The following ZNF486 variants were observed in gnomAD, a reference collection of about 807,000 sequenced individuals.
ZNF486 encodes KRAB box only protein 2.
In ZNF486, 12 loss-of-function variants were observed where a neutral mutation model predicts 12.8. The ratio of observed to expected loss-of-function variants is 0.94; its 90% CI spans 0.60 to 1.52. The LOEUF (loss-of-function observed/expected upper bound fraction) is 1.52. Among genes scored for constraint, ZNF486 ranks in the 40% most tolerant of loss-of-function variants. ZNF486 has a pLI of 0.00. For missense variants in ZNF486, 738 were observed against 545.0 expected (o/e 1.35, Z -3.53); for synonymous variants, 231 against 184.9 (o/e 1.25, Z -2.02).
At chr19:20,188,314 T>A (rs1555716778) in intron 3 of ZNF486, 1 of 395,182 alleles carries the variant, frequency 2.5e-6, no homozygotes, top group Non-Finnish European at 4.5e-6. Context: ...TAATTCTGGA[T>A]TTTTTTTCAG....
intron 3 of ZNF486, among the ~76,000 whole-genome samples, chr19:20,190,711 G>T (rs1425910255): frequency 6.6e-6 from 1 of 152,158 alleles, no homozygotes; most frequent in Admixed American, 6.5e-5. Flanking sequence ...ATAAAACTTG[G>T]TATGTGTCCT....
At chr19:20,170,186 C>T (rs960885549) in intron 1 of ZNF486, among the ~76,000 whole-genome samples, 3 of 151,860 alleles carry the variant, frequency 2.0e-5, no homozygotes, top group South Asian at 2.1e-4. Context: ...CGTGAGCCAC[C>T]GCGCCCGGCC....
intron 1 of ZNF486, among the ~76,000 whole-genome samples, chr19:20,168,955 C>T (rs2089615487): frequency 1.3e-5 from 2 of 152,032 alleles, no homozygotes; most frequent in African/African-American, 2.4e-5. Context: ...GTTCTCCTGC[C>T]TCAGCCTCCC....
chr19:20,179,300 A>C (rs2089758751), intron 1 of ZNF486, among the ~76,000 whole-genome samples: 1 of 152,222 alleles, frequency 6.6e-6, no homozygotes, highest in Admixed American at 6.5e-5. Flanking sequence ...TAAATAAATA[A>C]AAACTTTTGA....
chr19:20,175,727 A>G (rs2089701081), intron 1 of ZNF486, among the ~76,000 whole-genome samples: 1 of 152,182 alleles, frequency 6.6e-6, no homozygotes, highest in Non-Finnish European at 1.5e-5. Context: ...TCCCATGTCT[A>G]CTTCTTTCTA....
At chr19:20,172,996 ATTT>A (rs1197789136) in intron 1 of ZNF486, among the ~76,000 whole-genome samples, 1 of 152,050 alleles carries the variant, frequency 6.6e-6, no homozygotes, top group Non-Finnish European at 1.5e-5. Context: ...GTTTGTAAAT[ATTT>A]TTGTTTATTT....
chr19:20,186,861 G>A (rs1555716552), intron 3 of ZNF486, among the ~76,000 whole-genome samples: 1 of 140,622 alleles, frequency 7.1e-6, no homozygotes, highest in East Asian at 2.3e-4. Flanking sequence ...TTGGTTCACT[G>A]CAAACTCTGC....
chr19:20,182,258 CCCTTTTCAAGCCT>C (rs1243994550), intron 1 of ZNF486, among the ~76,000 whole-genome samples: 2 of 152,156 alleles, frequency 1.3e-5, no homozygotes, highest in African/African-American at 2.4e-5. Context: ...CATTCATGGA[CCCTTTTCAAGCCT>C]CCAGAATCAC....
intron 1 of ZNF486, among the ~76,000 whole-genome samples, chr19:20,183,960 T>G (rs1364300846): frequency 2.6e-5 from 4 of 152,098 alleles, no homozygotes; most frequent in Non-Finnish European, 5.9e-5. Context: ...AAATCCTGCA[T>G]AAGAAGGACT....
chr19:20,191,093 C>G (rs1394884025), intron 3 of ZNF486, among the ~76,000 whole-genome samples: 2 of 152,140 alleles, frequency 1.3e-5, no homozygotes, highest in Admixed American at 1.3e-4. Context: ...TGTAAGTTTC[C>G]TGAGGCCCTC....
Position 20,198,246 on chromosome 19 carries a change from G to A in ZNF486, c.*144G>A, listed in dbSNP as rs2089981336. On this transcript the variant is annotated 3_prime_UTR_variant, in exon 4 of 4. Coordinates refer to ENST00000335117, the MANE Select transcript of ZNF486 (RefSeq NM_052852.4). ...ACTCTCCTTAGTAGCTAGGATTACA[G>A]GGCTGCACCACCACACCTGGCTAAT... 9 of 676,570 alleles carry A rather than the reference G, an allele frequency of 1.3e-5. No homozygotes were observed. In the South Asian group the frequency reaches 1.7e-4, roughly 13 times the overall value. The allele number at this position is 676,570 out of a possible 1,614,324, so 41.9% of individuals were successfully genotyped here.
chr19:20,183,459 C>A (rs2089808204), intron 1 of ZNF486, among the ~76,000 whole-genome samples: 2 of 152,178 alleles, frequency 1.3e-5, no homozygotes, highest in Admixed American at 1.3e-4. Flanking sequence ...CTAAAAATTA[C>A]AGAACATAGG....
rs532619026 is a variant in ZNF486 at position 20,169,074 on chromosome 19, T to G, written c.30+1714T>G. ...CAGGCTGGTGTCGAACTCCTGACCT[T>G]GTGATCCGCCTACCTCAGCCTCCCG... On this transcript the variant is annotated intron_variant, in intron 1 of 3. Transcript: ENST00000335117. Among the ~76,000 whole-genome samples the G allele has an allele frequency of 2.4e-3, 363 of 151,870 alleles. 4 individuals carry two copies. Among genetic ancestry groups the G allele is most frequent in the African/African-American group, 8.3e-3 (343 of 41,410 alleles).
intron 3 of ZNF486, among the ~76,000 whole-genome samples, chr19:20,188,945 TG>T (rs2122667660): frequency 1.3e-5 from 2 of 152,346 alleles, no homozygotes; most frequent in South Asian, 4.1e-4. Context: ...AATATTCCAT[TG>T]TATGTATATG....
Position 20,175,527 on chromosome 19 carries a change from A to C in ZNF486, c.30+8167A>C, listed in dbSNP as rs1555714584. Among the ~76,000 whole-genome samples the C allele has an allele frequency of 3.3e-5, 5 of 151,066 alleles. No individual in the cohort carries two copies. The South Asian group carries it at 1.1e-3, about 32-fold the overall frequency. Reference sequence around the variant, plus strand: ...GGGTACTTGAGATTAGGGAGTGGTGATGACTCTTAATGAGCATGCTGCCTT... The same window carrying C: ...GGGTACTTGAGATTAGGGAGTGGTGCTGACTCTTAATGAGCATGCTGCCTT... On this transcript the variant is annotated intron_variant, in intron 1 of 3. Coordinates refer to ENST00000335117, the MANE Select transcript of ZNF486 (RefSeq NM_052852.4).
rs57907168 is a variant in ZNF486 at position 20,186,784 on chromosome 19, G to GTTTTTTT, written c.253+713_253+719dup. 1.2e-4 allele frequency among the ~76,000 whole-genome samples: 15 copies of GTTTTTTT among 122,460 alleles called. 1 individual carries two copies. Among genetic ancestry groups the GTTTTTTT allele is most frequent in the South Asian group, 8.1e-4 (3 of 3,690 alleles). 80.3% of individuals were successfully genotyped at this position (122,460 alleles called of 152,430 possible). A position where few individuals can be genotyped will look rare whatever the true frequency, so the allele number is the denominator to read the frequency against. On this transcript the variant is annotated intron_variant, in intron 3 of 3. Transcript: ENST00000335117. ...TGGATCTTCTCTAATATTTTCATAG[G>GTTTTTTT]TTTTTTTTTTTTTTTTTGAGAAGGA... is the stretch of plus-strand genomic sequence containing the variant.
chr19:20,194,631 G>T (rs1323670103), intron 3 of ZNF486, among the ~76,000 whole-genome samples: 3 of 152,128 alleles, frequency 2.0e-5, no homozygotes, highest in Non-Finnish European at 4.4e-5. Flanking sequence ...AGGACGCTGA[G>T]GCAGGAGAAT....
intron 3 of ZNF486, among the ~76,000 whole-genome samples, chr19:20,196,294 GC>G (rs1237301493): frequency 3.9e-5 from 6 of 152,212 alleles, no homozygotes; most frequent in African/African-American, 1.4e-4. Flanking sequence ...GGAATTACAG[GC>G]ATGAGCTATC....
intron 3 of ZNF486, among the ~76,000 whole-genome samples, chr19:20,188,930 G>A (rs1200975582): frequency 6.6e-6 from 1 of 152,038 alleles, no homozygotes; most frequent in Non-Finnish European, 1.5e-5. Flanking sequence ...TTTTTAAGAT[G>A]GAATAATATT....
Sources: allele counts gnomAD v4.1 joint callset (sites outside exome capture counted in the v4.1 genomes callset), GRCh38; gene constraint gnomAD v4.1.1; transcripts MANE v1.5; gene names NCBI Gene and HGNC (gene_info 2026-07-23, HGNC 2026-07-21).